SPAG17: variants seen among roughly 807,000 people sequenced by gnomAD.
SPAG17 encodes sperm associated antigen 17, also known as sperm-associated antigen 17.
Under a neutral mutation model 273.6 loss-of-function variants are expected in SPAG17, and 169 were observed. The ratio of observed to expected loss-of-function variants is 0.62; its 90% CI spans 0.55 to 0.70. SPAG17 has a LOEUF of 0.70. Ranked by LOEUF, SPAG17 falls within the 30% of genes least tolerant of loss-of-function variation. SPAG17 has a pLI of 0.00. For synonymous variants in SPAG17, 825 were observed against 873.2 expected, an observed-to-expected ratio of 0.94 and a Z score of 0.97; for missense variants, 2,557 against 2,627.8, an observed-to-expected ratio of 0.97 and a Z score of 0.59.
At chr1:117,954,116 G>C in intron 48 of SPAG17, 67 bp from the exon 49 acceptor site, 1 of 1,585,598 alleles carries the variant, frequency 6.3e-7, no homozygotes, top group Admixed American at 1.8e-5. Context: ...AGAGAGTACA[G>C]TAAGTTACAG....
chr1:118,097,952 A>C (rs1655823749), intron 6 of SPAG17, 101 bp from the exon 7 acceptor site: 1 of 616,878 alleles, frequency 1.6e-6, no homozygotes, highest in Non-Finnish European at 2.5e-6. Flanking sequence ...ATATCTGTAC[A>C]GTACCAGAAA....
chr1:118,017,543 A>G (rs1660098264), intron 28 of SPAG17, among the ~76,000 whole-genome samples: 1 of 152,154 alleles, frequency 6.6e-6, no homozygotes, highest in South Asian at 2.1e-4. Flanking sequence ...TTTTTCCTAC[A>G]GGTGATATTT....
At chr1:118,065,600 T>A (rs1283279218) in intron 18 of SPAG17, among the ~76,000 whole-genome samples, 1 of 152,020 alleles carries the variant, frequency 6.6e-6, no homozygotes, top group South Asian at 2.1e-4. Flanking sequence ...ATAAAGAAGA[T>A]AACATAATGG....
chr1:118,039,424 T>C lies in SPAG17; in HGVS notation c.3187A>G (p.Arg1063Gly). The change falls in exon 23 of 49, where the codon AGA becomes GGA. Residue 1063 changes from arginine to glycine, a missense_variant. Arg to Gly is a moderately radical substitution (Grantham distance 125). Transcript: ENST00000336338. ...FEKGPTFIKV[R>G]VVKDNHNFMI... The stretch of plus-strand genomic sequence containing the variant: ...AAATTGTGGTTGTCCTTTACCACTC[T>C]CACTTTGATAAAAGTTGGGCCTGAG... 1.9e-6 allele frequency: 3 copies of C among 1,613,456 alleles called. No individual in the cohort carries two copies. Among genetic ancestry groups the C allele is most frequent in the Non-Finnish European group, 2.5e-6 (3 of 1,179,590 alleles).
intron 3 of SPAG17, among the ~76,000 whole-genome samples, chr1:118,115,905 C>T (rs1315462224): frequency 2.0e-5 from 3 of 152,166 alleles, no homozygotes. Context: ...TCTTTTATTT[C>T]TTTGTAACTA....
At chr1:118,073,349 CA>C (rs1350417444) in intron 17 of SPAG17, among the ~76,000 whole-genome samples, 2 of 152,086 alleles carry the variant, frequency 1.3e-5, no homozygotes, top group Non-Finnish European at 2.9e-5. Context: ...TTCTACTTCA[CA>C]GGGTTATTGT....
At chr1:118,020,437 GA>G (rs970563366) in intron 28 of SPAG17, among the ~76,000 whole-genome samples, 229 of 118,644 alleles carry the variant, frequency 1.9e-3, no homozygotes, top group African/African-American at 4.0e-3. Context: ...TGTGTCTCAA[GA>G]AAAAAAAAAA....
chr1:117,990,006 A>T (rs1361631029), intron 38 of SPAG17, among the ~76,000 whole-genome samples: 1 of 152,100 alleles, frequency 6.6e-6, no homozygotes, highest in Non-Finnish European at 1.5e-5. Context: ...TTATTCACTA[A>T]ATCTGGCCAC....
intron 47 of SPAG17, chr1:117,966,009 A>G (rs374647085): frequency 6.6e-6 from 1 of 152,198 alleles, no homozygotes; most frequent in East Asian, 1.9e-4. Flanking sequence ...AAATCAAATA[A>G]ATAGAGAACT....
chr1:118,168,359 T>G (rs1214196511), intron 1 of SPAG17, among the ~76,000 whole-genome samples: 1 of 152,134 alleles, frequency 6.6e-6, no homozygotes, highest in Admixed American at 6.5e-5. Context: ...CAGCAACGTT[T>G]TCAATATCTG....
chr1:117,955,186 C>G, intron 48 of SPAG17: 1 of 704,970 alleles, frequency 1.4e-6, no homozygotes, highest in Non-Finnish European at 2.3e-6. Context: ...TCATGCAGAT[C>G]TTGCCATTTT....
chr1:117,956,367 A>G (rs569274477), intron 48 of SPAG17, among the ~76,000 whole-genome samples: 55 of 152,292 alleles, frequency 3.6e-4, no homozygotes, highest in African/African-American at 1.3e-3. Context: ...TGAACTACTG[A>G]AGGCTATCAT....
At chr1:118,161,301 G>A (rs943097593) in intron 1 of SPAG17, among the ~76,000 whole-genome samples, 2 of 152,158 alleles carry the variant, frequency 1.3e-5, no homozygotes. Context: ...TAGCAATTGT[G>A]CTAGGAAAGT....
At chr1:118,008,526 T>C (rs1355638823) in intron 30 of SPAG17, among the ~76,000 whole-genome samples, 1 of 152,202 alleles carries the variant, frequency 6.6e-6, no homozygotes, top group African/African-American at 2.4e-5. Flanking sequence ...ACTCAGATAT[T>C]CATCAATTAA....
At chr1:118,130,748 T>C (rs1452069536) in intron 3 of SPAG17, among the ~76,000 whole-genome samples, 3 of 152,218 alleles carry the variant, frequency 2.0e-5, no homozygotes, top group African/African-American at 7.2e-5. Context: ...TGGTTATTCA[T>C]CTCTTATTCA....
At chr1:118,117,231 A>C (rs559772985) in intron 3 of SPAG17, among the ~76,000 whole-genome samples, 178 of 152,306 alleles carry the variant, frequency 1.2e-3, no homozygotes, top group Non-Finnish European at 2.2e-3. Context: ...AGGGAAGTCA[A>C]CACTGAAAAG....
At chr1:117,961,249 A>G (rs1653057030) in intron 48 of SPAG17, 1 of 152,246 alleles carries the variant, frequency 6.6e-6, no homozygotes, top group Non-Finnish European at 1.5e-5. Flanking sequence ...TGCCACCAGC[A>G]TTCCAGCCTG....
Position 118,041,850 on chromosome 1 carries a change from C to G in SPAG17, c.3007G>C (p.Val1003Leu). The change falls in exon 21 of 49, where the codon GTA becomes CTA. Residue 1003 changes from valine to leucine, a missense_variant. Transcript: ENST00000336338. ...SKEEQVKIQEVTEESPHQPEP... is the reference protein window; with the variant it reads ...SKEEQVKIQELTEESPHQPEP... ...GGTTGGTGGGGGGACTCTTCTGTTA[C>G]TTCTTGGATCTTGACTTGTTCTTCT... 6.2e-7 allele frequency: 1 copy of G among 1,613,856 alleles called. No individual in the cohort carries two copies. Among genetic ancestry groups the G allele is most frequent in the Non-Finnish European group, 8.5e-7 (1 of 1,179,868 alleles).
chr1:118,184,977 A>G (rs115500065), intron 1 of SPAG17, 94 bp downstream of exon 1: 5 of 1,035,614 alleles, frequency 4.8e-6, no homozygotes, highest in Non-Finnish European at 7.4e-6. Context: ...GAGATACGGA[A>G]GAGAGGGCGA....
Sources: allele counts gnomAD v4.1 joint callset (sites outside exome capture counted in the v4.1 genomes callset), GRCh38; gene constraint gnomAD v4.1.1; transcripts MANE v1.5; gene names NCBI Gene and HGNC (gene_info 2026-07-23, HGNC 2026-07-21).